RCAN2: variants seen among roughly 807,000 people sequenced by gnomAD.
RCAN2 encodes the protein calcipressin-2.
In RCAN2, 9 loss-of-function variants were observed where a neutral mutation model predicts 23.6. The observed-to-expected ratio is 0.38, with a 90% CI of 0.23 to 0.67. The LOEUF (loss-of-function observed/expected upper bound fraction) is 0.67, where lower values mean the gene tolerates loss of function less well. Ranked by LOEUF, RCAN2 falls within the 30% of genes least tolerant of loss-of-function variation. The pLI, the probability that RCAN2 is intolerant of heterozygous loss-of-function variation, is 0.51. For missense variants in RCAN2, 273 were observed against 302.3 expected (o/e 0.90, Z 0.72); for synonymous variants, 109 against 115.7 (o/e 0.94, Z 0.37).
intron 2 of RCAN2, among the ~76,000 whole-genome samples, chr6:46,293,093 G>A (rs148632372): frequency 0.035 from 5,381 of 152,196 alleles, 287 homozygotes; most frequent in African/African-American, 0.12. Context: ...CATGGTGTAT[G>A]TGTACCACAT....
intron 4 of RCAN2, among the ~76,000 whole-genome samples, chr6:46,232,691 G>A (rs1015137002): frequency 1.3e-5 from 2 of 150,704 alleles, no homozygotes; most frequent in African/African-American, 4.9e-5. Context: ...TACTGCGGAG[G>A]CTGAGGCATG....
intron 2 of RCAN2, among the ~76,000 whole-genome samples, chr6:46,319,223 G>A (rs1441330580): frequency 1.3e-5 from 2 of 152,140 alleles, no homozygotes; most frequent in Non-Finnish European, 2.9e-5. Context: ...GTGATAATAA[G>A]TGTTTCAGGT....
intron 4 of RCAN2, among the ~76,000 whole-genome samples, chr6:46,238,773 C>A (rs2150312613): frequency 6.6e-6 from 1 of 152,266 alleles, no homozygotes; most frequent in East Asian, 1.9e-4. Context: ...AGGCTGGTCT[C>A]AAACTCCTAG....
At chr6:46,235,628 C>A (rs1766064032) in intron 4 of RCAN2, among the ~76,000 whole-genome samples, 1 of 152,168 alleles carries the variant, frequency 6.6e-6, no homozygotes, top group South Asian at 2.1e-4. Flanking sequence ...CTTAGAATTG[C>A]CATCATTCTT....
At chr6:46,295,329 C>T (rs934347468) in intron 2 of RCAN2, among the ~76,000 whole-genome samples, 3 of 152,048 alleles carry the variant, frequency 2.0e-5, no homozygotes, top group African/African-American at 7.2e-5. Context: ...CCTGAAGCCA[C>T]TTTGGTAGGA....
chr6:46,273,355 A>G (rs914178875), intron 2 of RCAN2, among the ~76,000 whole-genome samples: 1 of 152,224 alleles, frequency 6.6e-6, no homozygotes, highest in African/African-American at 2.4e-5. Context: ...TAATTATGAT[A>G]ACATTAACAT....
chr6:46,346,278 G>A lies in RCAN2; in HGVS notation c.226-97382C>T, dbSNP rs535565512. 3.3e-5 allele frequency among the ~76,000 whole-genome samples: 5 copies of A among 152,138 alleles called. No homozygotes were observed. The East Asian group carries it at 7.7e-4, about 23-fold the overall frequency. ...AGCTTCAAATCTCTATAGTGAAAAG[G>A]AAAAGAATGTAAAATCAATGAATTA... On this transcript the variant is annotated intron_variant, in intron 2 of 4. Transcript: ENST00000371374.
chr6:46,413,335 G>T (rs1174809704), intron 2 of RCAN2, among the ~76,000 whole-genome samples: 1 of 152,070 alleles, frequency 6.6e-6, no homozygotes, highest in Non-Finnish European at 1.5e-5. Flanking sequence ...ATAATTAGTT[G>T]GTATTTAAAT....
upstream of RCAN2, among the ~76,000 whole-genome samples, chr6:46,491,661 C>G (rs537473764): frequency 1.2e-4 from 18 of 152,160 alleles, no homozygotes; most frequent in South Asian, 2.3e-3. Context: ...GCCCCGCACC[C>G]CCTCCTTTCC....
chr6:46,353,080 G>A (rs2079284678), intron 2 of RCAN2, among the ~76,000 whole-genome samples: 1 of 152,196 alleles, frequency 6.6e-6, no homozygotes, highest in Admixed American at 6.5e-5. Context: ...AGTAAAGGCA[G>A]TGCAGGCGCA....
At chr6:46,484,629 G>A (rs1336207915) in intron 1 of RCAN2, among the ~76,000 whole-genome samples, 4 of 152,222 alleles carry the variant, frequency 2.6e-5, no homozygotes, top group Non-Finnish European at 4.4e-5. Flanking sequence ...ATAAGTCCGC[G>A]TTAGCAGATC....
At chr6:46,468,404 C>T (rs974278001) in intron 1 of RCAN2, among the ~76,000 whole-genome samples, 1 of 152,128 alleles carries the variant, frequency 6.6e-6, no homozygotes, top group African/African-American at 2.4e-5. Flanking sequence ...TCTTTAATCA[C>T]AATTTTCCAA....
intron 2 of RCAN2, among the ~76,000 whole-genome samples, chr6:46,419,359 G>A (rs1040809977): frequency 4.6e-5 from 7 of 152,064 alleles, no homozygotes; most frequent in Admixed American, 1.3e-4. Flanking sequence ...GAGAACCACC[G>A]GTTTAGAAGG....
At chr6:46,284,295 C>T (rs2150340928) in intron 2 of RCAN2, among the ~76,000 whole-genome samples, 1 of 152,084 alleles carries the variant, frequency 6.6e-6, no homozygotes, top group East Asian at 1.9e-4. Context: ...GCAGAGTGGG[C>T]ATCACTATTC....
chr6:46,343,028 C>T (rs550942227), intron 2 of RCAN2, among the ~76,000 whole-genome samples: 11 of 152,108 alleles, frequency 7.2e-5, no homozygotes, highest in Non-Finnish European at 1.2e-4. Flanking sequence ...TTCCTCAAAT[C>T]GATTAAAGAT....
intron 2 of RCAN2, among the ~76,000 whole-genome samples, chr6:46,299,829 A>G (rs1762847044): frequency 1.3e-5 from 2 of 152,014 alleles, no homozygotes; most frequent in African/African-American, 4.8e-5. Context: ...GAACACAGTA[A>G]GTGCTCAGTA....
intron 2 of RCAN2, among the ~76,000 whole-genome samples, chr6:46,388,522 A>G (rs1376315332): frequency 6.6e-6 from 1 of 152,222 alleles, no homozygotes; most frequent in Non-Finnish European, 1.5e-5. Context: ...TGCACTATTT[A>G]CAATAGCAAA....
intron 1 of RCAN2, among the ~76,000 whole-genome samples, chr6:46,484,110 TAATC>T (rs1252297517): frequency 2.6e-5 from 4 of 152,218 alleles, no homozygotes; most frequent in African/African-American, 9.6e-5. Flanking sequence ...TCAAAATAAA[TAATC>T]AATTAAATTA....
chr6:46,382,676 G>A (rs1156921139), intron 2 of RCAN2, among the ~76,000 whole-genome samples: 2 of 152,050 alleles, frequency 1.3e-5, no homozygotes, highest in Non-Finnish European at 2.9e-5. Flanking sequence ...GCCATCTTGT[G>A]TTTTTAACTA....
Sources: gnomAD v4.1 joint callset for allele counts (sites outside exome capture counted in the v4.1 genomes callset) on GRCh38, gnomAD v4.1.1 for gene constraint, MANE v1.5 for transcripts, NCBI Gene and HGNC (gene_info 2026-07-23, HGNC 2026-07-21) for gene names.